Variants in PPP2R3A observed in about 807,000 individuals in gnomAD.
PPP2R3A encodes the protein serine/threonine-protein phosphatase 2A regulatory subunit B'' subunit alpha.
A neutral mutation model predicts 106.9 loss-of-function variants in PPP2R3A; 80 were observed. The ratio of observed to expected loss-of-function variants is 0.75; its 90% confidence interval spans 0.62 to 0.90. The LOEUF (loss-of-function observed/expected upper bound fraction) is 0.90. Among genes scored for constraint, PPP2R3A ranks in the 40% least tolerant of loss-of-function variants. The pLI is 0.00. For synonymous variants in PPP2R3A, 483 were observed against 468.3 expected (o/e 1.03, Z -0.41); for missense variants, 1,386 against 1,350.4 (o/e 1.03, Z -0.41).
chr3:136,063,579 A>C (rs530915758), intron 5 of PPP2R3A, among the ~76,000 whole-genome samples: 1 of 152,366 alleles, frequency 6.6e-6, no homozygotes, highest in African/African-American at 2.4e-5. Context: ...TTTACAAGAA[A>C]AACAACCCCA....
At chr3:135,985,348 T>C (rs1937594724) in intron 1 of PPP2R3A, among the ~76,000 whole-genome samples, 2 of 144,800 alleles carry the variant, frequency 1.4e-5, no homozygotes, top group South Asian at 4.5e-4. Context: ...TCTCTCTCTC[T>C]CCCCGCCCTC....
rs901148297 is a variant in PPP2R3A, at chr3:135,979,157, T to C, written c.-441+13308T>C. Among the ~76,000 whole-genome samples, 14 of 151,748 alleles carry C rather than the reference T, an allele frequency of 9.2e-5. 1 individual carries two copies. The highest frequency in any genetic ancestry group is 3.3e-4 in the Admixed American group (5 of 15,258). On this transcript the variant is annotated intron_variant, in intron 1 of 13. Coordinates refer to ENST00000264977, the MANE Select transcript of PPP2R3A (RefSeq NM_002718.5). ...ACTTTGGGAGGCTGAGGCAGGTGGATCACCTGAGGTTAGGAGTTCAAGACC... is the reference window on the plus strand; with the variant it reads ...ACTTTGGGAGGCTGAGGCAGGTGGACCACCTGAGGTTAGGAGTTCAAGACC...
intron 13 of PPP2R3A, among the ~76,000 whole-genome samples, chr3:136,126,147 T>G (rs1032041141): frequency 6.6e-6 from 1 of 152,200 alleles, no homozygotes; most frequent in Non-Finnish European, 1.5e-5. Context: ...GGTTGGACAG[T>G]GGGTGCAGCC....
chr3:136,137,772 A>C (rs1938686333), intron 13 of PPP2R3A, among the ~76,000 whole-genome samples: 2 of 151,798 alleles, frequency 1.3e-5, no homozygotes, highest in South Asian at 4.2e-4. Context: ...CGATCTCCTG[A>C]CCTCGTGATC....
Position 136,003,080 on chromosome 3 carries a change from A to C in PPP2R3A, c.1582A>C (p.Arg528=). ...SFSQKMETSL[R]EPLAKGKNSN... The stretch of plus-strand genomic sequence containing the variant: ...TTCACAGAAGATGGAGACCTCTCTA[A>C]GAGAGCCACTTGCGAAGGGTAAAAA... Residue 528 remains arginine (R), a synonymous_variant, in exon 2 of 14, where the codon AGA becomes CGA. Transcript: ENST00000264977. 6.2e-7 allele frequency: 1 copy of C among 1,611,562 alleles called. No homozygotes were observed.
At chr3:136,103,487 G>A in intron 12 of PPP2R3A, 111 bp downstream of exon 12, 1 of 737,774 alleles carries the variant, frequency 1.4e-6, no homozygotes, top group South Asian at 2.1e-5. Context: ...GGTAACATTT[G>A]TAACATTTCA....
chr3:136,087,095 T>G (rs1936957028), intron 8 of PPP2R3A, among the ~76,000 whole-genome samples: 1 of 152,064 alleles, frequency 6.6e-6, no homozygotes, highest in Non-Finnish European at 1.5e-5. Context: ...TCCCAGCTAC[T>G]TGGGAAGCTG....
At position 136,106,233 on chromosome 3, in the gene PPP2R3A, G is replaced by T. The variant is rs1230049599; in HGVS notation, c.3240G>T (p.Gly1080=). 2 of 1,608,488 alleles carry T rather than the reference G, an allele frequency of 1.2e-6. No individual in the cohort carries two copies. Among genetic ancestry groups the T allele is most frequent in the South Asian group, 2.2e-5 (2 of 89,462 alleles). ...CCAATCAGGATGTTGAGAACGATGGGCCTGAGCCCTCAGACTGGGACCGGT... is the reference window on the plus strand; with the variant it reads ...CCAATCAGGATGTTGAGAACGATGGTCCTGAGCCCTCAGACTGGGACCGGT... The part of the protein sequence containing the change: ...FAVQKDVEND[G]PEPSDWDRFA... Residue 1080 remains glycine (G), a synonymous_variant, in exon 13 of 14, where the codon GGG becomes GGT. Transcript: ENST00000264977.
chr3:136,044,794 C>T (rs552643439), intron 4 of PPP2R3A, among the ~76,000 whole-genome samples: 1 of 152,198 alleles, frequency 6.6e-6, no homozygotes, highest in South Asian at 2.1e-4. Flanking sequence ...CTCTGAATGG[C>T]TCCTAAGGAA....
intron 13 of PPP2R3A, among the ~76,000 whole-genome samples, chr3:136,119,908 C>A (rs927458098): frequency 2.0e-5 from 3 of 152,086 alleles, no homozygotes; most frequent in African/African-American, 7.2e-5. Context: ...TGCACACATA[C>A]GTTTATTGCG....
Position 135,993,659 on chromosome 3 carries a change from T to C in PPP2R3A, c.-440-7400T>C, listed in dbSNP as rs150008070. On this transcript the variant is annotated intron_variant, in intron 1 of 13. Transcript: ENST00000264977. Reference sequence around the variant, plus strand: ...CAAATGTCCATCAGCTGTATGAATATACCAGAATTTGTTTTATCTATTTGT... The same window carrying C: ...CAAATGTCCATCAGCTGTATGAATACACCAGAATTTGTTTTATCTATTTGT... Among the ~76,000 whole-genome samples the C allele has an allele frequency of 1.6e-3, 237 of 152,364 alleles. 5 individuals carry two copies. The East Asian group carries it at 0.045, about 29-fold the overall frequency.
chr3:136,053,829 G>T (rs1935764213), intron 5 of PPP2R3A, among the ~76,000 whole-genome samples: 1 of 152,118 alleles, frequency 6.6e-6, no homozygotes, highest in South Asian at 2.1e-4. Context: ...AAAGATACCT[G>T]TTGAAAAATA....
At chr3:135,982,546 G>A (rs998978735) in intron 1 of PPP2R3A, among the ~76,000 whole-genome samples, 1 of 152,014 alleles carries the variant, frequency 6.6e-6, no homozygotes, top group Middle Eastern at 3.2e-3. Context: ...CCACATATAT[G>A]ACCAGGAAAT....
At chr3:135,991,459 T>A (rs1933156349) in intron 1 of PPP2R3A, among the ~76,000 whole-genome samples, 1 of 152,196 alleles carries the variant, frequency 6.6e-6, no homozygotes, top group Non-Finnish European at 1.5e-5. Flanking sequence ...AAAGAATTTT[T>A]TAAAATTAGA....
chr3:135,981,943 T>C (rs1411401815), intron 1 of PPP2R3A, among the ~76,000 whole-genome samples: 5 of 151,618 alleles, frequency 3.3e-5, no homozygotes, highest in Non-Finnish European at 7.3e-5. Flanking sequence ...AGCAATTCAC[T>C]CTGATTTGTA....
rs530278601 is a variant in PPP2R3A at position 136,114,863 on chromosome 3, G to C, written c.3329+8541G>C. On this transcript the variant is annotated intron_variant, in intron 13 of 13. Coordinates refer to ENST00000264977, the MANE Select transcript of PPP2R3A (RefSeq NM_002718.5). The stretch of plus-strand genomic sequence containing the variant: ...GGCAACTGTGGGCGCAGCTTCAAAA[G>C]ACTTAAACATCCCTGCCTGATGGCT... Among the ~76,000 whole-genome samples, 41 of 152,306 alleles carry C rather than the reference G, an allele frequency of 2.7e-4. 1 individual carries two copies. The South Asian group carries it at 4.1e-3, about 15-fold the overall frequency.
intron 6 of PPP2R3A, among the ~76,000 whole-genome samples, chr3:136,075,058 T>G (rs1231528152): frequency 6.6e-6 from 1 of 152,210 alleles, no homozygotes; most frequent in Non-Finnish European, 1.5e-5. Context: ...TATTTGTAAC[T>G]TCTATGTCTG....
At chr3:136,035,021 A>G (rs1935038168) in intron 3 of PPP2R3A, among the ~76,000 whole-genome samples, 1 of 152,012 alleles carries the variant, frequency 6.6e-6, no homozygotes, top group African/African-American at 2.4e-5. Context: ...AGTTTGTCTG[A>G]TATAAGAATA....
intron 1 of PPP2R3A, among the ~76,000 whole-genome samples, chr3:135,977,688 C>CTTTTTTTTTT (rs66592538): frequency 9.8e-5 from 6 of 61,124 alleles, no homozygotes; most frequent in African/African-American, 4.2e-4. Flanking sequence ...GATCAGCATT[C>CTTTTTTTTTT]TTTTTTTTTT....
Sources: allele counts gnomAD v4.1 joint callset (sites outside exome capture counted in the v4.1 genomes callset), GRCh38; gene constraint gnomAD v4.1.1; transcripts MANE v1.5; gene names NCBI Gene and HGNC (gene_info 2026-07-23, HGNC 2026-07-21).